DHX40: variants seen among roughly 807,000 people sequenced by gnomAD.
DHX40 encodes DEAH-box helicase 40.
DHX40 carries 28 observed loss-of-function variants against 89.6 expected under a neutral mutation model. That is an observed-to-expected ratio of 0.31 (90% CI 0.23 to 0.43). DHX40 has a LOEUF of 0.43. Ranked by LOEUF, DHX40 falls within the 20% of genes least tolerant of loss-of-function variation. The pLI is 1.00. For missense variants in DHX40, 457 were observed against 844.0 expected (o/e 0.54, Z 5.68); for synonymous variants, 226 against 283.6 (o/e 0.80, Z 2.04).
intron 12 of DHX40, among the ~76,000 whole-genome samples, chr17:59,595,526 T>G (rs1207594384): frequency 6.9e-6 from 1 of 143,964 alleles, no homozygotes; most frequent in African/African-American, 2.6e-5. Flanking sequence ...TAGGAAATGC[T>G]GCAGGATAAT....
intron 7 of DHX40, 189 bp from the exon 8 acceptor site, chr17:59,577,077 G>C (rs1346172112): frequency 3.2e-6 from 2 of 625,792 alleles, no homozygotes; most frequent in Admixed American, 4.5e-5. Flanking sequence ...CACCATGTTA[G>C]CCAGGATGGT....
intron 2 of DHX40, among the ~76,000 whole-genome samples, chr17:59,570,055 A>C (rs2048771501): frequency 1.0e-5 from 1 of 99,154 alleles, no homozygotes; most frequent in Admixed American, 1.1e-4. Flanking sequence ...AATATATATA[A>C]TATACATTAT....
intron 15 of DHX40, chr17:59,603,289 G>T (rs911950229): frequency 1.3e-5 from 2 of 152,160 alleles, no homozygotes; most frequent in African/African-American, 4.8e-5. Flanking sequence ...TGTGTATATA[G>T]AATGTATTTG....
Position 59,607,377 on chromosome 17 carries a change from G to A in DHX40, c.*205G>A, listed in dbSNP as rs1450484189. On this transcript the variant is annotated 3_prime_UTR_variant, in exon 18 of 18. Transcript: ENST00000251241. The stretch of plus-strand genomic sequence containing the variant: ...TCAAAGAAAAGATTTGGTTGCCATA[G>A]TCATAAGCAATGATACATGAAACCA... 3 of 952,868 alleles carry A rather than the reference G, an allele frequency of 3.1e-6. No individual in the cohort carries two copies. In the Admixed American group the frequency reaches 6.9e-5, roughly 22 times the overall value. The allele number at this position is 952,868 out of a possible 1,614,324, so 59.0% of individuals were successfully genotyped here.
At chr17:59,586,499 A>G (rs1598157351) in intron 11 of DHX40, among the ~76,000 whole-genome samples, 2 of 151,664 alleles carry the variant, frequency 1.3e-5, no homozygotes, top group African/African-American at 4.8e-5. Flanking sequence ...CGTCTCTACT[A>G]AAAATACAAA....
chr17:59,570,157 CAT>C (rs995239140), intron 2 of DHX40, among the ~76,000 whole-genome samples: 33 of 120,058 alleles, frequency 2.7e-4, no homozygotes, highest in Non-Finnish European at 4.3e-4. Flanking sequence ...TTATATAATA[CAT>C]ATAATATGTT....
At chr17:59,593,602 A>G in intron 12 of DHX40, among the ~76,000 whole-genome samples, 1 of 68,568 alleles carries the variant, frequency 1.5e-5, no homozygotes, top group Admixed American at 1.7e-4. Flanking sequence ...CAGCCTCACA[A>G]GTAGCTAGGA....
At chr17:59,573,500 T>G (rs968960448) in intron 4 of DHX40, among the ~76,000 whole-genome samples, 1 of 152,104 alleles carries the variant, frequency 6.6e-6, no homozygotes, top group African/African-American at 2.4e-5. Flanking sequence ...TGGCTAATTT[T>G]TAAGAATATT....
At chr17:59,572,267 GC>G in intron 3 of DHX40, among the ~76,000 whole-genome samples, 1 of 152,224 alleles carries the variant, frequency 6.6e-6, no homozygotes, top group Non-Finnish European at 1.5e-5. Context: ...CTATCTTTTT[GC>G]CTTCCTAGTG....
Position 59,602,631 on chromosome 17 carries a change from C to A in DHX40, c.1901+15C>A. ...GTAGCTCGAAGGTAAGCAATAAAGA[C>A]TTGAGAGATGGATCAAGATATAATA... On this transcript the variant is annotated intron_variant, in intron 15 of 17. Coordinates refer to ENST00000251241, the MANE Select transcript of DHX40 (RefSeq NM_024612.5). 6.3e-7 allele frequency: 1 copy of A among 1,599,582 alleles called. No individual in the cohort carries two copies. The highest frequency in any genetic ancestry group is 8.6e-7 in the Non-Finnish European group (1 of 1,167,574).
At chr17:59,570,454 A>T (rs897306338) in intron 2 of DHX40, 64 bp from the exon 3 acceptor site, 13 of 1,490,634 alleles carry the variant, frequency 8.7e-6, no homozygotes, top group Non-Finnish European at 1.1e-5. Flanking sequence ...GCCAAAAACA[A>T]TTTAGCTCTA....
chr17:59,601,471 T>C (rs2030523022), intron 14 of DHX40, among the ~76,000 whole-genome samples: 1 of 152,150 alleles, frequency 6.6e-6, no homozygotes, highest in African/African-American at 2.4e-5. Context: ...ATTAATCCCA[T>C]CTAGTATATT....
chr17:59,576,905 T>C (rs1224669553), intron 7 of DHX40, among the ~76,000 whole-genome samples: 5 of 151,848 alleles, frequency 3.3e-5, no homozygotes, highest in Non-Finnish European at 5.9e-5. Flanking sequence ...AGTCTCGCTC[T>C]GTCGCCCAGG....
intron 16 of DHX40, 117 bp downstream of exon 16, chr17:59,605,301 A>G: frequency 8.0e-7 from 1 of 1,249,954 alleles, no homozygotes; most frequent in Non-Finnish European, 1.1e-6. Context: ...TATATTACAT[A>G]GATCTATAAG....
intron 17 of DHX40, among the ~76,000 whole-genome samples, chr17:59,606,443 T>G (rs534118617): frequency 8.8e-4 from 134 of 152,240 alleles, no homozygotes; most frequent in African/African-American, 3.1e-3. Context: ...GAAAAATCTT[T>G]AGAAATGTTA....
chr17:59,583,623 G>A (rs1369788367), intron 10 of DHX40, among the ~76,000 whole-genome samples: 2 of 141,820 alleles, frequency 1.4e-5, no homozygotes, highest in East Asian at 4.0e-4. Context: ...GCTCACGCCT[G>A]TAATCCCAGC....
intron 12 of DHX40, among the ~76,000 whole-genome samples, chr17:59,594,756 C>T (rs1159390179): frequency 6.6e-6 from 1 of 152,102 alleles, no homozygotes; most frequent in African/African-American, 2.4e-5. Flanking sequence ...ATCTTCCCTA[C>T]CGAGTAGCAT....
In DHX40 at chr17:59,570,562, G is replaced by A. The variant is rs2048792124; in HGVS notation, c.325G>A (p.Val109Ile). The change falls in exon 3 of 18, where the codon GTA (valine) becomes ATA (isoleucine). Residue 109 changes from valine (V) to isoleucine (I), a missense_variant. Coordinates refer to ENST00000251241, the MANE Select transcript of DHX40 (RefSeq NM_024612.5). Reference sequence around the variant, plus strand: ...GATTGGTGTAACTCAACCACGAAAAGTAGCTGCTATATCAGTTGCTCAGAG... The same window carrying A: ...GATTGGTGTAACTCAACCACGAAAAATAGCTGCTATATCAGTTGCTCAGAG... ...GMIGVTQPRK[V>I]AAISVAQRVA... The A allele has an allele frequency of 1.9e-6, 3 of 1,608,362 alleles. No individual in the cohort carries two copies. The highest frequency in any genetic ancestry group is 2.5e-6 in the Non-Finnish European group (3 of 1,177,426).
intron 15 of DHX40, chr17:59,604,595 G>T (rs576538989): frequency 4.5e-5 from 7 of 154,052 alleles, no homozygotes; most frequent in African/African-American, 1.7e-4. Context: ...TGACATTTAG[G>T]TAGGGTAATG....
Sources: gnomAD v4.1 joint callset for allele counts (sites outside exome capture counted in the v4.1 genomes callset) on GRCh38, gnomAD v4.1.1 for gene constraint, MANE v1.5 for transcripts, NCBI Gene and HGNC (gene_info 2026-07-23, HGNC 2026-07-21) for gene names.